Variants in EXTL2 observed in about 807,000 individuals in gnomAD.
EXTL2 encodes the protein exostosin-like 2.
A neutral mutation model predicts 30.7 loss-of-function variants in EXTL2; 23 were observed. That is an observed-to-expected ratio of 0.75 (90% confidence interval 0.54 to 1.06). EXTL2 has a LOEUF of 1.06. Ranked by LOEUF, EXTL2 falls within the 50% of genes least tolerant of loss-of-function variation. The probability of loss-of-function intolerance (pLI) is 0.00; values close to 1 mark genes in which losing one functional copy is unlikely to be tolerated. For missense variants in EXTL2, 352 were observed against 396.3 expected (o/e 0.89, Z 0.95); for synonymous variants, 123 against 133.8 (o/e 0.92, Z 0.56).
At chr1:100,874,523 T>C in intron 4 of EXTL2, 93 bp from the exon 5 acceptor site, 1 of 1,032,284 alleles carries the variant, frequency 9.7e-7, no homozygotes, top group Non-Finnish European at 1.4e-6. Flanking sequence ...AGAATGAAAC[T>C]GATTTGTCAA....
chr1:100,873,689 C>T lies in EXTL2; in HGVS notation c.*253G>A, dbSNP rs1390449679. 24 of 350,440 alleles carry T rather than the reference C, an allele frequency of 6.8e-5. No individual in the cohort carries two copies. The highest frequency in any genetic ancestry group is 1.0e-4 in the Non-Finnish European group (20 of 195,190). 21.7% of individuals were successfully genotyped at this position (350,440 alleles called of 1,614,324 possible). A position where few individuals can be genotyped will look rare whatever the true frequency, so the allele number is the denominator to read the frequency against. Reference sequence around the variant, plus strand: ...CTGTAGAACAGTCTCAGGATGTAAACAATAAAATCACTGACCAAGGAGTTA... The same window carrying T: ...CTGTAGAACAGTCTCAGGATGTAAATAATAAAATCACTGACCAAGGAGTTA... On this transcript the variant is annotated 3_prime_UTR_variant, in exon 5 of 5. Coordinates refer to ENST00000370114, the MANE Select transcript of EXTL2 (RefSeq NM_001033025.3).
At chr1:100,889,002 T>C (rs1381302223) in intron 1 of EXTL2, 174 bp from the exon 2 acceptor site, 3 of 392,534 alleles carry the variant, frequency 7.6e-6, no homozygotes, top group East Asian at 3.6e-5. Flanking sequence ...ATGAGGTAGA[T>C]GATTAATGAC....
chr1:100,888,003 C>A (rs538506597), intron 2 of EXTL2, among the ~76,000 whole-genome samples: 12 of 152,316 alleles, frequency 7.9e-5, no homozygotes, highest in African/African-American at 2.9e-4. Flanking sequence ...CTGCCCGCCA[C>A]ATTGTATTTT....
chr1:100,880,969 A>AT (rs1273255773), intron 2 of EXTL2: 1 of 975,704 alleles, frequency 1.0e-6, no homozygotes, highest in Non-Finnish European at 1.2e-6. Context: ...CTTCCTTCTC[A>AT]TGTATTCTTT....
chr1:100,888,032 C>T (rs1650116715), intron 2 of EXTL2, among the ~76,000 whole-genome samples: 1 of 152,202 alleles, frequency 6.6e-6, no homozygotes. Context: ...TCTGAATAGT[C>T]TCTATATCCA....
chr1:100,877,102 A>G lies in EXTL2; in HGVS notation c.434-238T>C, dbSNP rs1027249760. On this transcript the variant is annotated intron_variant, in intron 3 of 4. Transcript: ENST00000370114. This position sits in a 1 kb window ranked among gnomAD's most constrained non-coding sequence, Gnocchi z 4.1. ...GCAGTTATTATCCATCATCCTAGAA[A>G]CTATTGGGCCTATAAATGAATAAAG... 6.6e-6 allele frequency among the ~76,000 whole-genome samples: 1 copy of G among 152,034 alleles called. No individual in the cohort carries two copies. Among genetic ancestry groups the G allele is most frequent in the Non-Finnish European group, 1.5e-5 (1 of 67,984 alleles).
At chr1:100,890,197 AGGCTTGGGGCTT>A (rs1650310762) in intron 1 of EXTL2, among the ~76,000 whole-genome samples, 1 of 152,352 alleles carries the variant, frequency 6.6e-6, no homozygotes, top group East Asian at 1.9e-4. Flanking sequence ...TAAGCTGCCA[AGGCTTGGGGCTT>A]GCATCCTCTG....
At chr1:100,876,732 C>A in intron 4 of EXTL2, 62 bp downstream of exon 4, 1 of 1,087,816 alleles carries the variant, frequency 9.2e-7, no homozygotes, top group South Asian at 1.3e-5. Context: ...ACCATGTTGC[C>A]GTGGTTAAGT....
chr1:100,875,230 G>GACACACACACACACACAC (rs10547668), intron 4 of EXTL2, among the ~76,000 whole-genome samples: 3 of 149,310 alleles, frequency 2.0e-5, no homozygotes, highest in Non-Finnish European at 3.0e-5. Context: ...CAGAACTAGG[G>GACACACACACACACACAC]ACACACACAC....
At chr1:100,893,621 T>C (rs1204740053) in intron 1 of EXTL2, among the ~76,000 whole-genome samples, 4 of 152,190 alleles carry the variant, frequency 2.6e-5, no homozygotes, top group Non-Finnish European at 5.9e-5. Flanking sequence ...AAATTTGATA[T>C]GACAACAAAG....
chr1:100,887,429 G>A (rs1227493560), intron 2 of EXTL2, among the ~76,000 whole-genome samples: 1 of 152,212 alleles, frequency 6.6e-6, no homozygotes, highest in Non-Finnish European at 1.5e-5. Flanking sequence ...ACTAAGGGAT[G>A]GTAGTGAGCA....
intron 4 of EXTL2, among the ~76,000 whole-genome samples, chr1:100,875,420 G>A (rs1649037441): frequency 6.6e-6 from 1 of 152,016 alleles, no homozygotes; most frequent in Non-Finnish European, 1.5e-5. Context: ...TGACAACTGT[G>A]TTGCTGGGAG....
rs1190833130 is a variant in EXTL2, at chr1:100,873,114, T to C, written c.*828A>G. 2 of 152,074 alleles carry C rather than the reference T, an allele frequency of 1.3e-5. No individual in the cohort carries two copies. Among genetic ancestry groups the C allele is most frequent in the African/African-American group, 4.8e-5 (2 of 41,444 alleles). The allele number at this position is 152,074 out of a possible 1,614,324, so 9.4% of individuals were successfully genotyped here. A position where few individuals can be genotyped will look rare whatever the true frequency, so the allele number is the denominator to read the frequency against. The stretch of plus-strand genomic sequence containing the variant: ...TTTTTTCAGGTTTTTTATACATTTC[T>C]TAAACAACACATACATTATGTAAAA... On this transcript the variant is annotated 3_prime_UTR_variant, in exon 5 of 5. Transcript: ENST00000370114.
intron 1 of EXTL2, 133 bp from the exon 2 acceptor site, chr1:100,888,961 TA>T: frequency 2.3e-6 from 1 of 427,714 alleles, no homozygotes. Flanking sequence ...TAAAATTTGT[TA>T]TTCTGTCTTC....
chr1:100,884,550 G>A lies in EXTL2; in HGVS notation c.5+4203C>T, dbSNP rs143526678. Among the ~76,000 whole-genome samples the A allele has an allele frequency of 3.5e-4, 54 of 152,278 alleles. No homozygotes were observed. The East Asian group carries it at 5.6e-3, about 16-fold the overall frequency. The stretch of plus-strand genomic sequence containing the variant: ...ACACTGTTTAAACTAAGGCAAAGGC[G>A]CATGTGGTGCCAAATTCCAAAAAGA... On this transcript the variant is annotated intron_variant, in intron 2 of 4. Coordinates refer to ENST00000370114, the MANE Select transcript of EXTL2 (RefSeq NM_001033025.3).
chr1:100,891,196 C>G (rs957427040), intron 1 of EXTL2, among the ~76,000 whole-genome samples: 1 of 152,146 alleles, frequency 6.6e-6, no homozygotes, highest in Non-Finnish European at 1.5e-5. Flanking sequence ...ATCATATCAG[C>G]ATTTAAGTGT....
chr1:100,880,655 T>C (rs1649478973), intron 2 of EXTL2, among the ~76,000 whole-genome samples: 1 of 152,262 alleles, frequency 6.6e-6, no homozygotes, highest in Non-Finnish European at 1.5e-5. Context: ...ATCCTTTTAA[T>C]ATTGAAGGAA....
Position 100,873,513 on chromosome 1 carries a change from A to G in EXTL2, c.*429T>C. The G allele has an allele frequency of 6.3e-6, 1 of 158,520 alleles. No individual in the cohort carries two copies. The highest frequency in any genetic ancestry group is 1.4e-5 in the Non-Finnish European group (1 of 71,540). The allele number at this position is 158,520 out of a possible 1,614,324, so 9.8% of individuals were successfully genotyped here. On this transcript the variant is annotated 3_prime_UTR_variant, in exon 5 of 5. Transcript: ENST00000370114. The stretch of plus-strand genomic sequence containing the variant: ...TTCTCTTCTTACATGGCTTTACCCC[A>G]TACCACAGGCTTTTGCTAAAGAGGC...
chr1:100,889,136 T>C (rs995303745), intron 1 of EXTL2, among the ~76,000 whole-genome samples: 3 of 152,236 alleles, frequency 2.0e-5, no homozygotes, highest in African/African-American at 7.2e-5. Flanking sequence ...AGAGGTTTAA[T>C]TGACTCATAG....
Sources: gnomAD v4.1 joint callset for allele counts (sites outside exome capture counted in the v4.1 genomes callset) on GRCh38, gnomAD v4.1.1 for gene constraint, Gnocchi (gnomAD v3.1) non-coding constraint, MANE v1.5 for transcripts, NCBI Gene and HGNC (gene_info 2026-07-23, HGNC 2026-07-21) for gene names.